The following THSD4 variants were observed in gnomAD, a reference collection of about 807,000 sequenced individuals.
The protein encoded by THSD4 is thrombospondin type-1 domain-containing protein 4.
THSD4 carries 69 observed loss-of-function variants against 119.0 expected under a neutral mutation model. The ratio of observed to expected loss-of-function variants is 0.58; its 90% CI spans 0.48 to 0.71. The LOEUF is 0.71. THSD4 is among the 30% of genes least tolerant of loss of function. The pLI, the probability that THSD4 is intolerant of heterozygous loss-of-function variation, is 0.00. For missense variants in THSD4, 1,393 were observed against 1,391.1 expected (o/e 1.00, Z -0.02); for synonymous variants, 524 against 540.4 (o/e 0.97, Z 0.42).
At chr15:71,624,815 A>G (rs2050479212) in intron 7 of THSD4, among the ~76,000 whole-genome samples, 1 of 152,192 alleles carries the variant, frequency 6.6e-6, no homozygotes. Context: ...CATGTGAAAG[A>G]TGTCCTGTGC....
At chr15:71,521,790 A>T (rs1209959733) in intron 7 of THSD4, among the ~76,000 whole-genome samples, 3 of 152,240 alleles carry the variant, frequency 2.0e-5, no homozygotes, top group African/African-American at 7.2e-5. Flanking sequence ...AGTTACGAGT[A>T]ATAGACATGT....
At chr15:71,277,275 G>A (rs926552084) in intron 6 of THSD4, among the ~76,000 whole-genome samples, 9 of 151,840 alleles carry the variant, frequency 5.9e-5, no homozygotes, top group South Asian at 2.1e-4. Context: ...ACAGGCGCCC[G>A]CCACCACGCC....
intron 8 of THSD4, among the ~76,000 whole-genome samples, chr15:71,663,421 C>T (rs1330667983): frequency 6.6e-6 from 1 of 152,182 alleles, no homozygotes; most frequent in African/African-American, 2.4e-5. Flanking sequence ...AGAGCAGGCT[C>T]TAATGAAAGC....
At chr15:71,366,061 T>A (rs549560074) in intron 6 of THSD4, among the ~76,000 whole-genome samples, 7 of 152,162 alleles carry the variant, frequency 4.6e-5, no homozygotes, top group Admixed American at 6.5e-5. Context: ...TGTCCCAGGT[T>A]TTTTTGTTTT....
At chr15:71,719,207 C>T (rs919314154) in intron 8 of THSD4, among the ~76,000 whole-genome samples, 2 of 152,156 alleles carry the variant, frequency 1.3e-5, no homozygotes, top group East Asian at 1.9e-4. Flanking sequence ...CACTTCCCTT[C>T]GTTCAAACCC....
rs10635101 is a variant in THSD4 at position 71,527,708 on chromosome 15, C to CTTTTTT, written c.1152+115902_1152+115907dup. ...GATTTTTTTTCCCCATGTTTATCCTCTTTTTTTTTTTTTTTTTTTTTTGAG... is the reference window on the plus strand; with the variant it reads ...GATTTTTTTTCCCCATGTTTATCCTCTTTTTTTTTTTTTTTTTTTTTTTTTTTTGAG... On this transcript the variant is annotated intron_variant, in intron 7 of 17. Coordinates refer to ENST00000261862, the MANE Select transcript of THSD4 (RefSeq NM_024817.3). Among the ~76,000 whole-genome samples the CTTTTTT allele has an allele frequency of 4.7e-3, 371 of 79,712 alleles. 5 individuals carry two copies. Among genetic ancestry groups the CTTTTTT allele is most frequent in the Middle Eastern group, 0.015 (1 of 68 alleles). The allele number at this position is 79,712 out of a possible 152,430, so 52.3% of individuals were successfully genotyped here.
At position 71,777,315 on chromosome 15, in the gene THSD4, T is replaced by C. The variant is rs767738709; in HGVS notation, c.2998T>C (p.Cys1000Arg). Residue 1000 changes from cysteine to arginine, a missense_variant, in exon 18 of 18, where the codon TGC (cysteine) becomes CGC (arginine). By Grantham distance (180) the Cys-to-Arg change is radical. Transcript: ENST00000261862. The stretch of plus-strand genomic sequence containing the variant: ...TGTCTACAACTACTACAAGACCGCC[T>C]GCTGTGCCTCCTGCACCCGTGTGGC... The part of the protein sequence containing the change: ...LCVYNYYKTA[C>R]CASCTRVANR... 6.2e-7 allele frequency: 1 copy of C among 1,614,222 alleles called. No homozygotes were observed. Among genetic ancestry groups the C allele is most frequent in the Non-Finnish European group, 8.5e-7 (1 of 1,180,034 alleles).
chr15:71,419,895 A>G lies in THSD4; in HGVS notation c.1152+8072A>G, dbSNP rs559981784. Among the ~76,000 whole-genome samples the G allele has an allele frequency of 8.3e-5, 9 of 108,758 alleles. 3 individuals carry two copies. In the East Asian group the frequency reaches 1.8e-3, roughly 22 times the overall value. 71.3% of individuals were successfully genotyped at this position (108,758 alleles called of 152,430 possible). A position where few individuals can be genotyped will look rare whatever the true frequency, so the allele number is the denominator to read the frequency against. ...TTTAGGACTTGTTTGGTGGCCTAAC[A>G]TATGGTCTATCCTTAAGAATGATGC... is the stretch of plus-strand genomic sequence containing the variant. On this transcript the variant is annotated intron_variant, in intron 7 of 17. Transcript: ENST00000261862.
chr15:71,323,738 TAGAAAC>T (rs936398214), intron 6 of THSD4, among the ~76,000 whole-genome samples: 8 of 152,196 alleles, frequency 5.3e-5, no homozygotes, highest in African/African-American at 1.4e-4. Flanking sequence ...ATCTGACTCT[TAGAAAC>T]AGACACAGAG....
At chr15:71,759,088 G>A (rs1317769712) in intron 15 of THSD4, among the ~76,000 whole-genome samples, 1 of 152,194 alleles carries the variant, frequency 6.6e-6, no homozygotes, top group African/African-American at 2.4e-5. Flanking sequence ...CAATGACAGC[G>A]ATCGTTAGGA....
intron 2 of THSD4, among the ~76,000 whole-genome samples, chr15:71,154,069 G>T (rs1364906624): frequency 6.6e-6 from 1 of 152,106 alleles, no homozygotes; most frequent in African/African-American, 2.4e-5. Flanking sequence ...TACTAACCAT[G>T]CCAGGTGTTT....
chr15:71,767,762 G>A (rs775952536), intron 16 of THSD4: 1 of 152,284 alleles, frequency 6.6e-6, no homozygotes, highest in Non-Finnish European at 1.5e-5. Flanking sequence ...GATTCAGAGG[G>A]GGTGGCCGCT....
intron 6 of THSD4, among the ~76,000 whole-genome samples, chr15:71,299,851 C>T (rs1164447644): frequency 2.7e-5 from 4 of 150,920 alleles, no homozygotes; most frequent in East Asian, 1.9e-4. Context: ...TTGGGCTGGA[C>T]GTGATAGCTC....
chr15:71,439,093 T>C (rs117378554), intron 7 of THSD4, among the ~76,000 whole-genome samples: 5,185 of 152,276 alleles, frequency 0.034, 122 homozygotes, highest in Middle Eastern at 0.078. Context: ...GAATATGCTT[T>C]TGGCAGCTGT....
intron 6 of THSD4, among the ~76,000 whole-genome samples, chr15:71,292,712 T>C (rs1468048137): frequency 1.3e-5 from 2 of 150,688 alleles, no homozygotes; most frequent in Non-Finnish European, 3.0e-5. Flanking sequence ...AGTCTTGCTC[T>C]GTCGCCCAGG....
At chr15:71,098,212 T>G (rs1179312919) in intron 1 of THSD4, among the ~76,000 whole-genome samples, 12 of 136,846 alleles carry the variant, frequency 8.8e-5, no homozygotes, top group Non-Finnish European at 1.8e-4. Flanking sequence ...TTTTTTTTTT[T>G]TGGGGGGAGA....
chr15:71,280,607 C>T, intron 6 of THSD4, among the ~76,000 whole-genome samples: 1 of 150,502 alleles, frequency 6.6e-6, no homozygotes. Context: ...TCCCTCCCTC[C>T]CTCCCTCTCT....
chr15:71,637,329 C>A (rs1037374126), intron 7 of THSD4, among the ~76,000 whole-genome samples: 2 of 152,078 alleles, frequency 1.3e-5, no homozygotes, highest in Non-Finnish European at 2.9e-5. Context: ...TTTCAGAAAC[C>A]ATCTTGGGCT....
At chr15:71,503,014 A>C (rs1160959086) in intron 7 of THSD4, among the ~76,000 whole-genome samples, 3 of 152,226 alleles carry the variant, frequency 2.0e-5, no homozygotes, top group Non-Finnish European at 4.4e-5. Context: ...AGTTCAGCAC[A>C]GCACAGCATA....
Sources: allele counts gnomAD v4.1 joint callset (sites outside exome capture counted in the v4.1 genomes callset), GRCh38; gene constraint gnomAD v4.1.1; transcripts MANE v1.5; gene names NCBI Gene and HGNC (gene_info 2026-07-23, HGNC 2026-07-21).